DISC1: variants seen among roughly 807,000 people sequenced by gnomAD.
The protein encoded by DISC1 is DISC1 scaffold protein.
In DISC1, 57 loss-of-function variants were observed where a neutral mutation model predicts 84.5. That is an observed-to-expected ratio of 0.67 (90% confidence interval 0.55 to 0.84). DISC1 has a LOEUF of 0.84. Among genes scored for constraint, DISC1 ranks in the 40% least tolerant of loss-of-function variants. The pLI is 0.00. For missense variants in DISC1, 1,000 were observed against 1,057.8 expected, an observed-to-expected ratio of 0.95 and a Z score of 0.76; for synonymous variants, 411 against 415.2, an observed-to-expected ratio of 0.99 and a Z score of 0.12.
chr1:231,762,994 C>T (rs376259480), intron 4 of DISC1, among the ~76,000 whole-genome samples: 1 of 152,164 alleles, frequency 6.6e-6, no homozygotes, highest in Non-Finnish European at 1.5e-5. Flanking sequence ...AGACCCAAAG[C>T]GTGGCCTCTG....
At chr1:231,847,945 A>G (rs538212987) in intron 9 of DISC1, among the ~76,000 whole-genome samples, 1 of 152,294 alleles carries the variant, frequency 6.6e-6, no homozygotes, top group Non-Finnish European at 1.5e-5. Context: ...TAAAACCAGA[A>G]GAGTTAGGAA....
At chr1:231,970,893 G>C (rs891060555) in intron 10 of DISC1, among the ~76,000 whole-genome samples, 1 of 152,198 alleles carries the variant, frequency 6.6e-6, no homozygotes, top group Non-Finnish European at 1.5e-5. Flanking sequence ...CTTTCTTTAA[G>C]TTGGCAGAAA....
At chr1:231,762,804 G>T (rs796725869) in intron 4 of DISC1, among the ~76,000 whole-genome samples, 11 of 152,220 alleles carry the variant, frequency 7.2e-5, no homozygotes, top group African/African-American at 2.6e-4. Flanking sequence ...TGAGGGTGGG[G>T]TCTGTATACA....
chr1:231,695,688 G>A (rs961053322), intron 2 of DISC1, among the ~76,000 whole-genome samples: 3 of 152,108 alleles, frequency 2.0e-5, no homozygotes, highest in African/African-American at 7.2e-5. Flanking sequence ...ATGTGCGAGT[G>A]TATTTGTGTG....
chr1:231,763,282 A>G (rs1330415790), intron 4 of DISC1, among the ~76,000 whole-genome samples: 1 of 152,250 alleles, frequency 6.6e-6, no homozygotes, highest in Non-Finnish European at 1.5e-5. Context: ...CAAAACCGGT[A>G]TAATAGCATC....
At chr1:232,007,300 C>T (rs1341279352) in intron 10 of DISC1, among the ~76,000 whole-genome samples, 3 of 152,160 alleles carry the variant, frequency 2.0e-5, no homozygotes, top group African/African-American at 7.2e-5. Flanking sequence ...GCACCATGCA[C>T]CTGGAAAAGC....
At chr1:231,971,077 A>T (rs1352317337) in intron 10 of DISC1, among the ~76,000 whole-genome samples, 1 of 152,196 alleles carries the variant, frequency 6.6e-6, no homozygotes, top group Non-Finnish European at 1.5e-5. Flanking sequence ...TTACAGTTTT[A>T]AAAAGACAGT....
intron 10 of DISC1, 86 bp downstream of exon 10, chr1:231,958,974 G>A (rs1328777956): frequency 1.3e-6 from 2 of 1,503,540 alleles, no homozygotes; most frequent in African/African-American, 1.4e-5. Context: ...CGATGAAAAA[G>A]GCTGGCCAGT....
chr1:231,881,352 A>G (rs577013606), intron 9 of DISC1, among the ~76,000 whole-genome samples: 1 of 152,316 alleles, frequency 6.6e-6, no homozygotes, highest in South Asian at 2.1e-4. Context: ...GCAGAGCTCT[A>G]GGGAAGGATC....
intron 9 of DISC1, among the ~76,000 whole-genome samples, chr1:231,862,842 T>A (rs1295627536): frequency 1.3e-5 from 2 of 152,196 alleles, no homozygotes; most frequent in African/African-American, 2.4e-5. Context: ...TGCTGGAGAT[T>A]TCGTGTGTCA....
chr1:231,663,023 C>T (rs1053113486), intron 1 of DISC1, among the ~76,000 whole-genome samples: 11 of 151,106 alleles, frequency 7.3e-5, no homozygotes, highest in Admixed American at 6.6e-4. Flanking sequence ...AAACGAAAAA[C>T]GTCCAGTCAA....
chr1:232,020,112 C>T (rs1266718602), intron 11 of DISC1, among the ~76,000 whole-genome samples: 5 of 152,092 alleles, frequency 3.3e-5, no homozygotes, highest in African/African-American at 1.2e-4. Flanking sequence ...GGGGCCAAGG[C>T]AGGCAGATCA....
chr1:231,630,220 C>T lies in DISC1; in HGVS notation c.67+3286C>T, dbSNP rs919617950. Among the ~76,000 whole-genome samples, 3 of 152,118 alleles carry T rather than the reference C, an allele frequency of 2.0e-5. No individual in the cohort carries two copies. Among genetic ancestry groups the T allele is most frequent in the Admixed American group, 1.3e-4 (2 of 15,272 alleles). On this transcript the variant is annotated intron_variant, in intron 1 of 12. Transcript: ENST00000439617. The surrounding 1 kb of genome is among the most constrained non-coding windows in gnomAD (Gnocchi z 4.4). ...CTGGGATTACAGGCATGAGCCACTG[C>T]GCCGGGCCCTTTAAACAAGATTTAA...
chr1:231,876,640 T>C lies in DISC1; in HGVS notation c.1981+58123T>C, dbSNP rs78614154. On this transcript the variant is annotated intron_variant, in intron 9 of 12. Coordinates refer to ENST00000439617, the MANE Select transcript of DISC1 (RefSeq NM_018662.3). ...TAGTTGCAATCTGGGTTTTAAAGCT[T>C]TGTGTCTGAACACTCCACACGTTTT... Among the ~76,000 whole-genome samples the C allele has an allele frequency of 4.6e-3, 705 of 152,272 alleles. 20 individuals carry two copies. The East Asian group carries it at 0.074, about 16-fold the overall frequency.
intron 10 of DISC1, among the ~76,000 whole-genome samples, chr1:231,975,177 CA>C (rs1259342088): frequency 6.6e-6 from 1 of 152,044 alleles, no homozygotes; most frequent in African/African-American, 2.4e-5. Context: ...AAACATTTTG[CA>C]AAAGAAGACA....
chr1:231,716,519 T>C lies in DISC1; in HGVS notation c.1117+14495T>C, dbSNP rs535347462. 2.6e-5 allele frequency among the ~76,000 whole-genome samples: 4 copies of C among 152,062 alleles called. No homozygotes were observed. The South Asian group carries it at 6.2e-4, about 24-fold the overall frequency. On this transcript the variant is annotated intron_variant, in intron 3 of 12. Transcript: ENST00000439617. Reference sequence around the variant, plus strand: ...CTTTGTTGCATGACATTGGATGACATTGAGAAAATGAAATTGAAACCCTGC... The same window carrying C: ...CTTTGTTGCATGACATTGGATGACACTGAGAAAATGAAATTGAAACCCTGC...
rs144541330 is a variant in DISC1, at chr1:232,015,487, T to C, written c.2307+6438T>C. 2.6e-5 allele frequency among the ~76,000 whole-genome samples: 4 copies of C among 152,264 alleles called. No homozygotes were observed. The East Asian group carries it at 7.7e-4, about 29-fold the overall frequency. ...GAGGTGTTATCCAATGAATCCTCAG[T>C]GGTGTCCTGGGAGTAGCTGAGAATT... On this transcript the variant is annotated intron_variant, in intron 11 of 12. Transcript: ENST00000439617.
chr1:231,776,531 C>T (rs1264684797), intron 6 of DISC1, among the ~76,000 whole-genome samples: 3 of 152,146 alleles, frequency 2.0e-5, no homozygotes, highest in Admixed American at 6.5e-5. Context: ...TGGGGAGGCT[C>T]GCGGGTGGAG....
chr1:231,709,900 G>A (rs772107004), intron 3 of DISC1, among the ~76,000 whole-genome samples: 6 of 152,252 alleles, frequency 3.9e-5, no homozygotes, highest in South Asian at 2.1e-4. Flanking sequence ...TCTCTCTTGC[G>A]CTTAGAAGAC....
Sources: gnomAD v4.1 joint callset for allele counts (sites outside exome capture counted in the v4.1 genomes callset) on GRCh38, gnomAD v4.1.1 for gene constraint, Gnocchi (gnomAD v3.1) non-coding constraint, MANE v1.5 for transcripts, NCBI Gene and HGNC (gene_info 2026-07-23, HGNC 2026-07-21) for gene names.